MRGPRD: variants seen among roughly 807,000 people sequenced by gnomAD.
The protein encoded by MRGPRD is mas-related G protein-coupled receptor member D.
For synonymous variants in MRGPRD, 185 were observed against 183.9 expected (o/e 1.01, Z -0.05); for missense variants, 392 against 413.4 (o/e 0.95, Z 0.45).
Position 68,980,461 on chromosome 11 carries a change from A to G in MRGPRD, c.526T>C (p.Phe176Leu). 6.2e-7 allele frequency: 1 copy of G among 1,614,022 alleles called. No individual in the cohort carries two copies. Among genetic ancestry groups the G allele is most frequent in the Non-Finnish European group, 8.5e-7 (1 of 1,179,958 alleles). The change falls in exon 1 of 1, where the codon TTC becomes CTC. Residue 176 changes from phenylalanine to leucine, a missense_variant. By Grantham distance (22) the Phe-to-Leu change is conservative. Coordinates refer to ENST00000309106, the MANE Select transcript of MRGPRD (RefSeq NM_198923.2). This position sits in a 1 kb window ranked among gnomAD's most constrained non-coding sequence, Gnocchi z 4.4. ...GCGGCCTGGACCATGTCCACCCTGA[A>G]GCACCGATCTTCATTGAATTTCAAG... ...KFLKFNEDRC[F>L]RVDMVQAALI...
Position 68,980,259 on chromosome 11 carries a change from A to C in MRGPRD, c.728T>G (p.Val243Gly), listed in dbSNP as rs1172646686. 6.2e-7 allele frequency: 1 copy of C among 1,613,910 alleles called. No homozygotes were observed. The highest frequency in any genetic ancestry group is 8.5e-7 in the Non-Finnish European group (1 of 1,179,914). The change falls in exon 1 of 1, where the codon GTG becomes GGG. Residue 243 changes from valine (V) to glycine (G), a missense_variant. Coordinates refer to ENST00000309106, the MANE Select transcript of MRGPRD (RefSeq NM_198923.2). The surrounding 1 kb of genome is among the most constrained non-coding windows in gnomAD (Gnocchi z 4.4). Reference sequence around the variant, plus strand: ...GGGCGGCAGGCTCAACCAGTAGAGCACAAACCAGTAGATGCTCAGAGGCAG... The same window carrying C: ...GGGCGGCAGGCTCAACCAGTAGAGCCCAAACCAGTAGATGCTCAGAGGCAG... ...CSLPLSIYWF[V>G]LYWLSLPPEM...
the MRGPRD span, chr11:68,980,319 AC>A: frequency 6.2e-7 from 1 of 1,613,840 alleles, no homozygotes; most frequent in African/African-American, 1.3e-5. The surrounding 1 kb of genome is among the most constrained non-coding windows in gnomAD (Gnocchi z 4.4). Flanking sequence ...AGAGGCCAGG[AC>A]CACCACGAAC....
At position 68,980,774 on chromosome 11, in the gene MRGPRD, G is replaced by A. The variant is rs376563861; in HGVS notation, c.213C>T (p.Ala71=). 5.0e-6 allele frequency: 8 copies of A among 1,613,842 alleles called. No homozygotes were observed. Among genetic ancestry groups the A allele is most frequent in the Admixed American group, 1.7e-5 (1 of 60,026 alleles). Residue 71 remains alanine, a synonymous_variant, in exon 1 of 1, where the codon GCC becomes GCT. Coordinates refer to ENST00000309106, the MANE Select transcript of MRGPRD (RefSeq NM_198923.2). This position sits in a 1 kb window ranked among gnomAD's most constrained non-coding sequence, Gnocchi z 4.4. The part of the protein sequence containing the change: ...FCIYILNLAA[A]DLLFLFSMAS... ...CCATGCTGAAGAGGAAGAGGAGGTCGGCTGCCGCCAGGTTGAGGATATAGA... is the reference window on the plus strand; with the variant it reads ...CCATGCTGAAGAGGAAGAGGAGGTCAGCTGCCGCCAGGTTGAGGATATAGA...
Position 68,980,110 on chromosome 11 carries a change from C to A in MRGPRD, c.877G>T (p.Gly293Trp), listed in dbSNP as rs1310517123. 6.4e-7 allele frequency: 1 copy of A among 1,566,528 alleles called. No homozygotes were observed. Among genetic ancestry groups the A allele is most frequent in the East Asian group, 2.2e-5 (1 of 44,666 alleles). Residue 293 changes from glycine (G) to tryptophan (W), a missense_variant, in exon 1 of 1, where the codon GGG becomes TGG. Coordinates refer to ENST00000309106, the MANE Select transcript of MRGPRD (RefSeq NM_198923.2). This position sits in a 1 kb window ranked among gnomAD's most constrained non-coding sequence, Gnocchi z 4.4. The part of the protein sequence containing the change: ...RSHRLPTRSL[G>W]TVLQQALREE... ...CGAAGCGCCTGTTGGAGCACAGTCC[C>A]CAGGGACCTGGTGGGCAGCCTGTGG...
rs1370804138 is a variant in MRGPRD, at chr11:68,980,807, G to A, written c.180C>T (p.Pro60=). Residue 60 remains proline, a synonymous_variant, in exon 1 of 1, where the codon CCC becomes CCT. Transcript: ENST00000309106. This position sits in a 1 kb window ranked among gnomAD's most constrained non-coding sequence, Gnocchi z 4.4. ...CCAGGTTGAGGATATAGATGCAGAA[G>A]GGGTTCCTGTGCATTCGAAAGCCCA... ...WLLGFRMHRN[P]FCIYILNLAA... 1.9e-6 allele frequency: 3 copies of A among 1,614,068 alleles called. No homozygotes were observed. The South Asian group carries it at 3.3e-5, about 18-fold the overall frequency.
rs759335972 is a variant in MRGPRD at position 68,980,274 on chromosome 11, C to T, written c.713G>A (p.Ser238Asn). ...LVFLICSLPL[S>N]IYWFVLYWLS... ...CCAGTAGAGCACAAACCAGTAGATG[C>T]TCAGAGGCAGGGAACAGATGAGGAA... The change falls in exon 1 of 1, where the codon AGC (serine) becomes AAC (asparagine). Residue 238 changes from serine to asparagine, a missense_variant. Physicochemically the swap from Ser to Asn is conservative, Grantham distance 46. Transcript: ENST00000309106. This position sits in a 1 kb window ranked among gnomAD's most constrained non-coding sequence, Gnocchi z 4.4. The T allele has an allele frequency of 1.2e-6, 2 of 1,613,866 alleles. No individual in the cohort carries two copies. The highest frequency in any genetic ancestry group is 1.7e-6 in the Non-Finnish European group (2 of 1,179,962).
chr11:68,980,432 G>T lies in MRGPRD; in HGVS notation c.555C>A (p.Leu185=). 1 of 1,613,960 alleles carries T rather than the reference G, an allele frequency of 6.2e-7. No homozygotes were observed. The highest frequency in any genetic ancestry group is 8.5e-7 in the Non-Finnish European group (1 of 1,179,944). Residue 185 remains leucine (L), a synonymous_variant, in exon 1 of 1, where the codon CTC becomes CTA. Coordinates refer to ENST00000309106, the MANE Select transcript of MRGPRD (RefSeq NM_198923.2). The surrounding 1 kb of genome is among the most constrained non-coding windows in gnomAD (Gnocchi z 4.4). ...TCACTGGGGTTAAGACCCCCATGAT[G>T]AGGGCGGCCTGGACCATGTCCACCC... ...CFRVDMVQAA[L]IMGVLTPVMT...
chr11:68,980,742 G>A lies in MRGPRD; in HGVS notation c.245C>T (p.Thr82Met), dbSNP rs151113328. ...DLLFLFSMAS[T>M]LSLETQPLVN... ...CAGGGGCTGGGTTTCCAGGCTGAGC[G>A]TGGAAGCCATGCTGAAGAGGAAGAG... Residue 82 changes from threonine to methionine, a missense_variant, in exon 1 of 1, where the codon ACG (threonine) becomes ATG (methionine). Transcript: ENST00000309106. This position sits in a 1 kb window ranked among gnomAD's most constrained non-coding sequence, Gnocchi z 4.4. 6.8e-6 allele frequency: 11 copies of A among 1,613,590 alleles called. No individual in the cohort carries two copies. The highest frequency in any genetic ancestry group is 2.7e-5 in the African/African-American group (2 of 75,024).
At position 68,980,181 on chromosome 11, in the gene MRGPRD, C is replaced by A; in HGVS notation, c.806G>T (p.Ser269Ile). ...SLSRLSSSVS[S>I]SANPVIYFLV... ...GAAGTAGATGACGGGGTTGGCGCTG[C>A]TGCTTACGGACGAGGAGAGGCGTGA... is the stretch of plus-strand genomic sequence containing the variant. Residue 269 changes from serine to isoleucine, a missense_variant, in exon 1 of 1, where the codon AGC (serine) becomes ATC (isoleucine). Physicochemically the swap from Ser to Ile is moderately radical, Grantham distance 142. Coordinates refer to ENST00000309106, the MANE Select transcript of MRGPRD (RefSeq NM_198923.2). The surrounding 1 kb of genome is among the most constrained non-coding windows in gnomAD (Gnocchi z 4.4). 1.2e-6 allele frequency: 2 copies of A among 1,604,762 alleles called. No individual in the cohort carries two copies. The highest frequency in any genetic ancestry group is 1.7e-6 in the Non-Finnish European group (2 of 1,176,674).
chr11:68,980,602 A>G lies in MRGPRD; in HGVS notation c.385T>C (p.Phe129Leu), dbSNP rs1210302582. Reference sequence around the variant, plus strand: ...CGGTGACACTTGAACCAGATAGGGAAGAGGACAGAGAGACAGCGCTGGGTG... The same window carrying G: ...CGGTGACACTTGAACCAGATAGGGAGGAGGACAGAGAGACAGCGCTGGGTG... ...ISTQRCLSVL[F>L]PIWFKCHRPR... Residue 129 changes from phenylalanine to leucine, a missense_variant, in exon 1 of 1, where the codon TTC becomes CTC. Phe to Leu is a conservative substitution (Grantham distance 22). Coordinates refer to ENST00000309106, the MANE Select transcript of MRGPRD (RefSeq NM_198923.2). The surrounding 1 kb of genome is among the most constrained non-coding windows in gnomAD (Gnocchi z 4.4). 1.2e-6 allele frequency: 2 copies of G among 1,614,016 alleles called. No homozygotes were observed. The highest frequency in any genetic ancestry group is 2.7e-5 in the African/African-American group (2 of 74,920).
In MRGPRD at chr11:68,980,131, T is replaced by C; in HGVS notation, c.856A>G (p.Arg286Gly). Residue 286 changes from arginine (R) to glycine (G), a missense_variant, in exon 1 of 1, where the codon AGG (arginine) becomes GGG (glycine). Arg to Gly is a moderately radical substitution (Grantham distance 125). Coordinates refer to ENST00000309106, the MANE Select transcript of MRGPRD (RefSeq NM_198923.2). The surrounding 1 kb of genome is among the most constrained non-coding windows in gnomAD (Gnocchi z 4.4). ...YFLVGSRRSH[R>G]LPTRSLGTVL... Reference sequence around the variant, plus strand: ...GTCCCCAGGGACCTGGTGGGCAGCCTGTGGCTCCTCCGGCTGCCCACCAGG... The same window carrying C: ...GTCCCCAGGGACCTGGTGGGCAGCCCGTGGCTCCTCCGGCTGCCCACCAGG... 2 of 1,580,528 alleles carry C rather than the reference T, an allele frequency of 1.3e-6. No homozygotes were observed. Among genetic ancestry groups the C allele is most frequent in the East Asian group, 2.2e-5 (1 of 44,700 alleles).
chr11:68,980,457 C>T lies in MRGPRD; in HGVS notation c.530G>A (p.Arg177Lys). 1.2e-6 allele frequency: 2 copies of T among 1,614,056 alleles called. No individual in the cohort carries two copies. Among genetic ancestry groups the T allele is most frequent in the Non-Finnish European group, 1.7e-6 (2 of 1,179,988 alleles). ...GAGGGCGGCCTGGACCATGTCCACC[C>T]TGAAGCACCGATCTTCATTGAATTT... ...FLKFNEDRCFRVDMVQAALIM... is the reference protein window; with the variant it reads ...FLKFNEDRCFKVDMVQAALIM... The change falls in exon 1 of 1, where the codon AGG becomes AAG. Residue 177 changes from arginine to lysine, a missense_variant. Arg to Lys is a conservative substitution (Grantham distance 26). Transcript: ENST00000309106. The surrounding 1 kb of genome is among the most constrained non-coding windows in gnomAD (Gnocchi z 4.4).
rs574413877 is a variant in MRGPRD at position 68,980,864 on chromosome 11, C to G, written c.123G>C (p.Gly41=). 5 of 1,614,170 alleles carry G rather than the reference C, an allele frequency of 3.1e-6. No individual in the cohort carries two copies. In the South Asian group the frequency reaches 5.5e-5, roughly 18 times the overall value. Residue 41 remains glycine, a synonymous_variant, in exon 1 of 1, where the codon GGG becomes GGC. Coordinates refer to ENST00000309106, the MANE Select transcript of MRGPRD (RefSeq NM_198923.2). This position sits in a 1 kb window ranked among gnomAD's most constrained non-coding sequence, Gnocchi z 4.4. ...SSLAMFTCLC[G]MAGNSMVIWL... is the part of the protein sequence containing the mutation. Reference sequence around the variant, plus strand: ...AGATCACCATGCTGTTGCCTGCCATCCCGCACAGGCAGGTGAACATGGCCA... The same window carrying G: ...AGATCACCATGCTGTTGCCTGCCATGCCGCACAGGCAGGTGAACATGGCCA...
In MRGPRD at chr11:68,980,823, C is replaced by T. The variant is rs138059734; in HGVS notation, c.164G>A (p.Arg55Gln). 1.9e-3 allele frequency: 3,050 copies of T among 1,613,932 alleles called. 8 individuals carry two copies. The highest frequency in any genetic ancestry group is 2.5e-3 in the Non-Finnish European group (2,954 of 1,180,028). Reference protein sequence around the residue: ...NSMVIWLLGFRMHRNPFCIYI... With the variant: ...NSMVIWLLGFQMHRNPFCIYI... ...GATGCAGAAGGGGTTCCTGTGCATT[C>T]GAAAGCCCAGCAGCCAGATCACCAT... The change falls in exon 1 of 1, where the codon CGA becomes CAA. Residue 55 changes from arginine to glutamine, a missense_variant. Physicochemically the swap from Arg to Gln is conservative, Grantham distance 43 (BLOSUM62 1). Coordinates refer to ENST00000309106, the MANE Select transcript of MRGPRD (RefSeq NM_198923.2). The surrounding 1 kb of genome is among the most constrained non-coding windows in gnomAD (Gnocchi z 4.4).
At position 68,980,244 on chromosome 11, in the gene MRGPRD, C is replaced by G. The variant is rs966598823; in HGVS notation, c.743G>C (p.Ser248Thr). 2.5e-6 allele frequency: 4 copies of G among 1,612,788 alleles called. No homozygotes were observed. The highest frequency in any genetic ancestry group is 1.7e-4 in the Middle Eastern group (1 of 6,054). ...SIYWFVLYWLSLPPEMQVLCF... is the reference protein window; with the variant it reads ...SIYWFVLYWLTLPPEMQVLCF... The stretch of plus-strand genomic sequence containing the variant: ...CAGGACCTGCATCTCGGGCGGCAGG[C>G]TCAACCAGTAGAGCACAAACCAGTA... The change falls in exon 1 of 1, where the codon AGC (serine) becomes ACC (threonine). Residue 248 changes from serine (S) to threonine (T), a missense_variant. Ser to Thr is a moderately conservative substitution (Grantham distance 58). Transcript: ENST00000309106. This position sits in a 1 kb window ranked among gnomAD's most constrained non-coding sequence, Gnocchi z 4.4.
rs900414568 is a variant in MRGPRD at position 68,980,167 on chromosome 11, C to T, written c.820G>A (p.Val274Ile). The T allele has an allele frequency of 2.4e-5, 39 of 1,597,820 alleles. No individual in the cohort carries two copies. The highest frequency in any genetic ancestry group is 1.1e-4 in the Admixed American group (6 of 55,262). The change falls in exon 1 of 1, where the codon GTC becomes ATC. Residue 274 changes from valine to isoleucine, a missense_variant. Physicochemically the swap from Val to Ile is conservative, Grantham distance 29. Transcript: ENST00000309106. The surrounding 1 kb of genome is among the most constrained non-coding windows in gnomAD (Gnocchi z 4.4). ...CGGCTGCCCACCAGGAAGTAGATGA[C>T]GGGGTTGGCGCTGCTGCTTACGGAC... ...SSSVSSSANP[V>I]IYFLVGSRRS...
rs1333307544 is a variant in MRGPRD at position 68,980,212 on chromosome 11, T to C, written c.775A>G (p.Ser259Gly). 1 of 1,609,486 alleles carries C rather than the reference T, an allele frequency of 6.2e-7. No individual in the cohort carries two copies. The highest frequency in any genetic ancestry group is 8.5e-7 in the Non-Finnish European group (1 of 1,178,302). Residue 259 changes from serine to glycine, a missense_variant, in exon 1 of 1, where the codon AGC becomes GGC. Ser to Gly is a moderately conservative substitution (Grantham distance 56). Transcript: ENST00000309106. This position sits in a 1 kb window ranked among gnomAD's most constrained non-coding sequence, Gnocchi z 4.4. ...ACGGACGAGGAGAGGCGTGACAAGC[T>C]GAAGCACAGGACCTGCATCTCGGGC... is the stretch of plus-strand genomic sequence containing the variant. ...LPPEMQVLCF[S>G]LSRLSSSVSS...
At chr11:68,980,771 GTCGGC>G in the MRGPRD span, 1 of 1,613,864 alleles carries the variant, frequency 6.2e-7, no homozygotes, top group South Asian at 1.1e-5. The surrounding 1 kb of genome is among the most constrained non-coding windows in gnomAD (Gnocchi z 4.4). Context: ...GGAAGAGGAG[GTCGGC>G]TGCCGCCAGG....
chr11:68,980,128 G>C lies in MRGPRD; in HGVS notation c.859C>G (p.Leu287Val). 4.4e-6 allele frequency: 7 copies of C among 1,579,154 alleles called. No homozygotes were observed. Among genetic ancestry groups the C allele is most frequent in the Non-Finnish European group, 6.0e-6 (7 of 1,169,504 alleles). ...FLVGSRRSHR[L>V]PTRSLGTVLQ... ...ACAGTCCCCAGGGACCTGGTGGGCA[G>C]CCTGTGGCTCCTCCGGCTGCCCACC... Residue 287 changes from leucine to valine, a missense_variant, in exon 1 of 1, where the codon CTG becomes GTG. Leu to Val is a conservative substitution (Grantham distance 32, BLOSUM62 1). Transcript: ENST00000309106. The surrounding 1 kb of genome is among the most constrained non-coding windows in gnomAD (Gnocchi z 4.4).
Sources: allele counts gnomAD v4.1 joint callset, GRCh38; gene constraint gnomAD v4.1.1; non-coding constraint Gnocchi (gnomAD v3.1); transcripts MANE v1.5; gene names NCBI Gene and HGNC (gene_info 2026-07-23, HGNC 2026-07-21).